Variants in TOX2 observed in about 807,000 individuals in gnomAD.
TOX2 encodes granulosa cell HMG box 1.
A neutral mutation model predicts 47.4 loss-of-function variants in TOX2; 15 were observed. That is an observed-to-expected ratio of 0.32 (90% CI 0.21 to 0.49). The LOEUF is 0.49. Among genes scored for constraint, TOX2 ranks in the 20% least tolerant of loss-of-function variants. The probability of loss-of-function intolerance (pLI) is 0.99; values close to 1 mark genes in which losing one functional copy is unlikely to be tolerated. For synonymous variants in TOX2, 290 were observed against 296.6 expected, an observed-to-expected ratio of 0.98 and a Z score of 0.23; for missense variants, 622 against 673.1, an observed-to-expected ratio of 0.92 and a Z score of 0.84.
At chr20:43,957,075 T>G (rs2069680026) in intron 1 of TOX2, among the ~76,000 whole-genome samples, 1 of 152,278 alleles carries the variant, frequency 6.6e-6, no homozygotes, top group Non-Finnish European at 1.5e-5. Flanking sequence ...TATATTTGAA[T>G]CTGTCAATCT....
intron 1 of TOX2, among the ~76,000 whole-genome samples, chr20:43,920,684 G>A (rs1269310443): frequency 6.6e-6 from 1 of 152,196 alleles, no homozygotes; most frequent in Non-Finnish European, 1.5e-5. Flanking sequence ...GATCTGCTGG[G>A]TGACCTTGAG....
intron 3 of TOX2, among the ~76,000 whole-genome samples, chr20:44,030,090 C>A (rs1191033140): frequency 6.6e-6 from 1 of 152,136 alleles, no homozygotes; most frequent in African/African-American, 2.4e-5. Context: ...CTCCTAAGCA[C>A]CAGACCATGC....
intron 1 of TOX2, among the ~76,000 whole-genome samples, chr20:43,948,084 A>C (rs1005454031): frequency 1.3e-5 from 2 of 152,242 alleles, no homozygotes; most frequent in African/African-American, 4.8e-5. Flanking sequence ...ACTAAGTGGG[A>C]TAAAATATGT....
At chr20:43,978,647 A>C (rs1327801640) in intron 2 of TOX2, among the ~76,000 whole-genome samples, 1 of 152,098 alleles carries the variant, frequency 6.6e-6, no homozygotes, top group Non-Finnish European at 1.5e-5. Context: ...GGGCACTGCA[A>C]ATGTCACCTC....
chr20:43,961,139 C>T (rs575936731), intron 1 of TOX2, among the ~76,000 whole-genome samples: 12 of 152,260 alleles, frequency 7.9e-5, no homozygotes, highest in Non-Finnish European at 1.8e-4. Flanking sequence ...GAGGGGTGGC[C>T]AGGCCAGCCC....
intron 1 of TOX2, among the ~76,000 whole-genome samples, chr20:43,959,512 A>T (rs1321495218): frequency 6.6e-6 from 1 of 152,198 alleles, no homozygotes; most frequent in Non-Finnish European, 1.5e-5. Flanking sequence ...GTCAAATTAC[A>T]ATTTCAAAGA....
At chr20:43,934,159 G>GAGAT (rs1433075747) in intron 1 of TOX2, among the ~76,000 whole-genome samples, 5 of 150,824 alleles carry the variant, frequency 3.3e-5, no homozygotes, top group African/African-American at 7.3e-5. Flanking sequence ...GAGAGAGAGA[G>GAGAT]AGAGAGAGAC....
At chr20:44,053,606 A>G (rs1352672881) in intron 4 of TOX2, among the ~76,000 whole-genome samples, 5 of 76,146 alleles carry the variant, frequency 6.6e-5, no homozygotes, top group Non-Finnish European at 1.0e-4. Flanking sequence ...ACACATATAT[A>G]TACATATACA....
intron 3 of TOX2, among the ~76,000 whole-genome samples, chr20:44,028,639 CAG>C (rs2071101635): frequency 1.3e-5 from 2 of 152,068 alleles, no homozygotes; most frequent in African/African-American, 2.4e-5. Flanking sequence ...GTGATACAGA[CAG>C]ACAAAGACGC....
intron 1 of TOX2, among the ~76,000 whole-genome samples, chr20:43,920,383 C>T (rs143079117): frequency 3.9e-5 from 6 of 152,292 alleles, no homozygotes; most frequent in East Asian, 3.9e-4. Context: ...GAGGCCTGCC[C>T]GGCATACTTG....
chr20:44,025,334 C>A (rs976482793), intron 3 of TOX2, among the ~76,000 whole-genome samples: 2 of 151,100 alleles, frequency 1.3e-5, no homozygotes, highest in Non-Finnish European at 2.9e-5. Context: ...GTAGCCTTTG[C>A]ACCCCCATGT....
At position 43,945,797 on chromosome 20, in the gene TOX2, A is replaced by G. The variant is rs1333032319; in HGVS notation, c.100-27570A>G. 6.0e-5 allele frequency: 86 copies of G among 1,431,272 alleles called. No homozygotes were observed. The East Asian group carries it at 1.9e-3, about 32-fold the overall frequency. The allele number at this position is 1,431,272 out of a possible 1,614,324, so 88.7% of individuals were successfully genotyped here. On this transcript the variant is annotated intron_variant, in intron 1 of 8. Transcript: ENST00000341197. ...AACAGGTTTTTCCATTTCACCTTATACGAATGGGATGGGGGGTGGGGGTGC... is the reference window on the plus strand; with the variant it reads ...AACAGGTTTTTCCATTTCACCTTATGCGAATGGGATGGGGGGTGGGGGTGC...
At chr20:44,054,901 G>C (rs940232278) in intron 5 of TOX2, among the ~76,000 whole-genome samples, 7 of 152,200 alleles carry the variant, frequency 4.6e-5, no homozygotes, top group African/African-American at 1.7e-4. Context: ...CTCCTCTAAA[G>C]GCCTCCAGGG....
intron 1 of TOX2, among the ~76,000 whole-genome samples, chr20:43,944,857 G>A (rs1344525277): frequency 6.6e-6 from 1 of 152,224 alleles, no homozygotes; most frequent in Non-Finnish European, 1.5e-5. Flanking sequence ...CTGAGGCTCA[G>A]GGAAGTTAGC....
chr20:44,061,312 C>T (rs2071714725), intron 5 of TOX2, among the ~76,000 whole-genome samples: 1 of 152,062 alleles, frequency 6.6e-6, no homozygotes. Context: ...GGACACTATT[C>T]CACAAAATAA....
intron 3 of TOX2, among the ~76,000 whole-genome samples, chr20:44,043,376 T>C (rs910107793): frequency 1.3e-5 from 2 of 152,248 alleles, no homozygotes; most frequent in African/African-American, 2.4e-5. Flanking sequence ...CCTTTGTACC[T>C]CTCTGTTCTC....
intron 2 of TOX2, among the ~76,000 whole-genome samples, chr20:43,990,941 G>A (rs957194466): frequency 5.9e-5 from 9 of 152,166 alleles, no homozygotes; most frequent in Admixed American, 1.3e-4. Context: ...CATTTTTCCA[G>A]AAGCTTATTT....
chr20:43,919,602 C>T (rs1454638602), intron 1 of TOX2, among the ~76,000 whole-genome samples: 1 of 152,086 alleles, frequency 6.6e-6, no homozygotes, highest in Non-Finnish European at 1.5e-5. Flanking sequence ...TTTGCTACAC[C>T]TATGAACCCA....
chr20:43,998,256 CTG>C (rs1285198441), intron 2 of TOX2, among the ~76,000 whole-genome samples: 283 of 152,340 alleles, frequency 1.9e-3, no homozygotes, highest in Non-Finnish European at 3.2e-3. Flanking sequence ...CACCAGGCCC[CTG>C]CCTGAACTCT....
Sources: allele counts gnomAD v4.1 joint callset (sites outside exome capture counted in the v4.1 genomes callset), GRCh38; gene constraint gnomAD v4.1.1; transcripts MANE v1.5; gene names NCBI Gene and HGNC (gene_info 2026-07-23, HGNC 2026-07-21).